Variants in MCC observed in about 807,000 individuals in gnomAD.
MCC encodes MCC regulator of Wnt signaling pathway.
Under a neutral mutation model 116.2 loss-of-function variants are expected in MCC, and 90 were observed. The observed-to-expected ratio is 0.77, with a 90% CI of 0.65 to 0.92. The LOEUF (loss-of-function observed/expected upper bound fraction) is 0.92, where lower values mean the gene tolerates loss of function less well. Ranked by LOEUF, MCC falls within the 40% of genes least tolerant of loss-of-function variation. The pLI, the probability that MCC is intolerant of heterozygous loss-of-function variation, is 0.00. For synonymous variants in MCC, 578 were observed against 510.5 expected, an observed-to-expected ratio of 1.13 and a Z score of -1.78; for missense variants, 1,516 against 1,312.2, an observed-to-expected ratio of 1.16 and a Z score of -2.40.
At chr5:113,336,068 A>C (rs1767860639) in intron 3 of MCC, among the ~76,000 whole-genome samples, 2 of 151,456 alleles carry the variant, frequency 1.3e-5, no homozygotes, top group Admixed American at 1.3e-4. Flanking sequence ...AAAGAGTGCA[A>C]GGGCAAGGAG....
intron 8 of MCC, among the ~76,000 whole-genome samples, chr5:113,088,164 T>C (rs568290599): frequency 1.1e-3 from 172 of 152,232 alleles, no homozygotes; most frequent in African/African-American, 4.0e-3. Context: ...TGCTAGCCAG[T>C]GGAAACAAAC....
intron 3 of MCC, among the ~76,000 whole-genome samples, chr5:113,214,757 C>G (rs1763249928): frequency 6.6e-6 from 1 of 152,198 alleles, no homozygotes; most frequent in Non-Finnish European, 1.5e-5. Context: ...CACACTGTAG[C>G]CAAGCGCACC....
At chr5:113,257,396 G>A (rs1217363227) in intron 3 of MCC, among the ~76,000 whole-genome samples, 2 of 152,098 alleles carry the variant, frequency 1.3e-5, no homozygotes, top group African/African-American at 2.4e-5. Flanking sequence ...CGGAGCAACA[G>A]GAGACAGGAA....
intron 6 of MCC, among the ~76,000 whole-genome samples, chr5:113,119,683 G>A (rs1416669745): frequency 6.6e-6 from 1 of 151,898 alleles, no homozygotes; most frequent in African/African-American, 2.4e-5. Context: ...ACAGCCCCAA[G>A]TGAGTTTGCT....
intron 8 of MCC, among the ~76,000 whole-genome samples, chr5:113,091,067 C>T (rs369685946): frequency 6.6e-6 from 1 of 152,194 alleles, no homozygotes; most frequent in African/African-American, 2.4e-5. Context: ...CGCCTGGAGC[C>T]TCTCTGCTCG....
chr5:113,242,865 A>G (rs1258552708), intron 3 of MCC, among the ~76,000 whole-genome samples: 3 of 152,230 alleles, frequency 2.0e-5, no homozygotes, highest in Admixed American at 1.3e-4. Flanking sequence ...ACCAAAAGTA[A>G]CAGGAGTCAG....
intron 3 of MCC, among the ~76,000 whole-genome samples, chr5:113,307,897 C>A (rs1431153576): frequency 1.3e-5 from 2 of 152,126 alleles, no homozygotes; most frequent in Non-Finnish European, 2.9e-5. Flanking sequence ...CTTTCCCAAG[C>A]TCATTCCCAC....
At chr5:113,249,103 A>C (rs900728017) in intron 3 of MCC, among the ~76,000 whole-genome samples, 4 of 151,282 alleles carry the variant, frequency 2.6e-5, no homozygotes, top group African/African-American at 9.7e-5. Context: ...CGGCCTCCCA[A>C]AGTGCTGGGA....
chr5:113,074,063 G>C (rs1580993507), intron 11 of MCC, among the ~76,000 whole-genome samples: 1 of 152,236 alleles, frequency 6.6e-6, no homozygotes. Flanking sequence ...TGAGCTCTGA[G>C]AATGGATAGA....
Position 113,403,681 on chromosome 5 carries a change from G to A in MCC, c.171-18469C>T, listed in dbSNP as rs979229909. Among the ~76,000 whole-genome samples the A allele has an allele frequency of 5.3e-5, 8 of 152,282 alleles. No individual in the cohort carries two copies. The East Asian group carries it at 1.4e-3, about 26-fold the overall frequency. On this transcript the variant is annotated intron_variant, in intron 1 of 18. Coordinates refer to ENST00000408903, the MANE Select transcript of MCC (RefSeq NM_001085377.2). ...CAAGAAGGAGAGAAGAGGAAGGTGG[G>A]AAATGAAGGAGGAAAGGAAGCAGCA...
intron 6 of MCC, among the ~76,000 whole-genome samples, chr5:113,118,254 T>C (rs1309034832): frequency 1.3e-5 from 2 of 152,220 alleles, no homozygotes; most frequent in African/African-American, 2.4e-5. Flanking sequence ...CTTTGCCAGA[T>C]GGAGGACATA....
intron 1 of MCC, among the ~76,000 whole-genome samples, chr5:113,475,121 A>C (rs1772203492): frequency 1.3e-5 from 2 of 152,226 alleles, no homozygotes; most frequent in African/African-American, 4.8e-5. Flanking sequence ...GGATGTTTTA[A>C]ATAATAGACA....
At chr5:113,186,569 T>C (rs963355327) in intron 3 of MCC, among the ~76,000 whole-genome samples, 3 of 152,160 alleles carry the variant, frequency 2.0e-5, no homozygotes, top group African/African-American at 7.2e-5. Flanking sequence ...GGCACTTGAG[T>C]GTGTAAAGCC....
chr5:113,304,297 A>G (rs1343135281), intron 3 of MCC, among the ~76,000 whole-genome samples: 1 of 152,234 alleles, frequency 6.6e-6, no homozygotes, highest in East Asian at 1.9e-4. Flanking sequence ...AAAACTGGCT[A>G]AGAAAAGAAC....
chr5:113,374,557 C>A (rs1044237364), intron 2 of MCC, among the ~76,000 whole-genome samples: 1 of 152,134 alleles, frequency 6.6e-6, no homozygotes, highest in Non-Finnish European at 1.5e-5. Flanking sequence ...CCAGAGATTT[C>A]TTTGAAGTCA....
chr5:113,114,003 T>G (rs1308347370), intron 6 of MCC, among the ~76,000 whole-genome samples: 1 of 152,122 alleles, frequency 6.6e-6, no homozygotes, highest in East Asian at 1.9e-4. Context: ...GTGTTTATTA[T>G]AGGAGAAGGT....
At chr5:113,206,894 A>T (rs949304122) in intron 3 of MCC, among the ~76,000 whole-genome samples, 1 of 152,198 alleles carries the variant, frequency 6.6e-6, no homozygotes, top group African/African-American at 2.4e-5. Flanking sequence ...GATGTAAGCA[A>T]GACAGGGGTC....
At chr5:113,083,532 T>C (rs1755003231) in intron 10 of MCC, among the ~76,000 whole-genome samples, 1 of 152,244 alleles carries the variant, frequency 6.6e-6, no homozygotes. Flanking sequence ...GCTGGCTCTC[T>C]AAGCCTCATC....
At chr5:113,047,939 C>T (rs759671594) in intron 16 of MCC, among the ~76,000 whole-genome samples, 1 of 152,164 alleles carries the variant, frequency 6.6e-6, no homozygotes, top group Non-Finnish European at 1.5e-5. Flanking sequence ...CCCAAGGCTT[C>T]CTTCCTCCTC....
Sources: allele counts gnomAD v4.1 joint callset (sites outside exome capture counted in the v4.1 genomes callset), GRCh38; gene constraint gnomAD v4.1.1; transcripts MANE v1.5; gene names NCBI Gene and HGNC (gene_info 2026-07-23, HGNC 2026-07-21).